Variants in CDH12 observed in about 807,000 individuals in gnomAD.
CDH12 encodes the protein cadherin-12.
A neutral mutation model predicts 74.1 loss-of-function variants in CDH12; 41 were observed. That is an observed-to-expected ratio of 0.55 (90% confidence interval 0.43 to 0.72). The LOEUF is 0.72. Among genes scored for constraint, CDH12 ranks in the 30% least tolerant of loss-of-function variants. The pLI, the probability that CDH12 is intolerant of heterozygous loss-of-function variation, is 0.00. For missense variants in CDH12, 945 were observed against 977.2 expected (o/e 0.97, Z 0.44); for synonymous variants, 399 against 355.0 (o/e 1.12, Z -1.39).
chr5:22,504,893 A>G (rs1048847721), intron 2 of CDH12, among the ~76,000 whole-genome samples: 1 of 152,028 alleles, frequency 6.6e-6, no homozygotes, highest in Non-Finnish European at 1.5e-5. Context: ...ATTATGAGGG[A>G]CTAGACAAAG....
chr5:22,630,108 T>C (rs181986039), intron 1 of CDH12, among the ~76,000 whole-genome samples: 181 of 152,136 alleles, frequency 1.2e-3, no homozygotes, highest in Admixed American at 1.7e-3. Flanking sequence ...AAATCAGAGA[T>C]AATACAAACA....
At chr5:22,432,720 C>T (rs925916183) in intron 2 of CDH12, among the ~76,000 whole-genome samples, 3 of 152,214 alleles carry the variant, frequency 2.0e-5, no homozygotes, top group Admixed American at 2.0e-4. Context: ...AAGTCTAAAG[C>T]TCACTTCATA....
At chr5:22,616,942 G>A (rs1290073746) in intron 1 of CDH12, among the ~76,000 whole-genome samples, 3 of 151,940 alleles carry the variant, frequency 2.0e-5, no homozygotes, top group Non-Finnish European at 4.4e-5. Flanking sequence ...ACAGCTCACT[G>A]TAACCTTGAA....
chr5:22,190,757 G>T (rs1750228641), intron 4 of CDH12, among the ~76,000 whole-genome samples: 2 of 152,138 alleles, frequency 1.3e-5, no homozygotes, highest in African/African-American at 4.8e-5. Flanking sequence ...TCTTGTCTCT[G>T]CAGAACCCTC....
intron 3 of CDH12, among the ~76,000 whole-genome samples, chr5:22,321,142 A>C: frequency 6.6e-6 from 1 of 152,154 alleles, no homozygotes; most frequent in East Asian, 1.9e-4. Context: ...TTTCAAAAAA[A>C]TAAATTTAAT....
chr5:22,018,855 T>C (rs1737779313), intron 5 of CDH12, among the ~76,000 whole-genome samples: 1 of 152,108 alleles, frequency 6.6e-6, no homozygotes, highest in Admixed American at 6.6e-5. Context: ...GTGGATCATT[T>C]GAGGTCAGGA....
At chr5:22,012,371 A>T (rs1737352695) in intron 5 of CDH12, among the ~76,000 whole-genome samples, 1 of 152,170 alleles carries the variant, frequency 6.6e-6, no homozygotes, top group African/African-American at 2.4e-5. Flanking sequence ...GTTATTTGTG[A>T]TATGAAAGAG....
At chr5:22,700,120 T>G (rs1329942101) in intron 1 of CDH12, among the ~76,000 whole-genome samples, 1 of 152,026 alleles carries the variant, frequency 6.6e-6, no homozygotes. Flanking sequence ...TGAGCCGAGA[T>G]TGTACCACTG....
chr5:22,418,579 G>A (rs949538008), intron 2 of CDH12, among the ~76,000 whole-genome samples: 1 of 152,100 alleles, frequency 6.6e-6, no homozygotes, highest in Non-Finnish European at 1.5e-5. Context: ...ATGGCTGTGG[G>A]TTTGTCATAA....
chr5:21,914,412 G>A (rs1323066981), intron 6 of CDH12, among the ~76,000 whole-genome samples: 2 of 151,978 alleles, frequency 1.3e-5, no homozygotes, highest in African/African-American at 4.8e-5. Flanking sequence ...TATCAAACAT[G>A]GTTTTTACAG....
chr5:22,102,478 G>A (rs1274102797), intron 4 of CDH12, among the ~76,000 whole-genome samples: 1 of 152,116 alleles, frequency 6.6e-6, no homozygotes, highest in Non-Finnish European at 1.5e-5. Context: ...AGACCAGCCT[G>A]ATCAACATGG....
intron 6 of CDH12, among the ~76,000 whole-genome samples, chr5:21,888,920 A>G (rs1200548424): frequency 1.3e-5 from 2 of 152,032 alleles, no homozygotes; most frequent in African/African-American, 4.8e-5. Context: ...CATTATAGAT[A>G]AGGGCATGCT....
At chr5:22,002,839 C>T (rs180855475) in intron 5 of CDH12, among the ~76,000 whole-genome samples, 91 of 152,090 alleles carry the variant, frequency 6.0e-4, no homozygotes, top group African/African-American at 2.1e-3. Flanking sequence ...TTCATAAGCT[C>T]AGATTTCCTG....
intron 2 of CDH12, among the ~76,000 whole-genome samples, chr5:22,489,111 G>A (rs1180211599): frequency 9.3e-6 from 1 of 107,838 alleles, no homozygotes; most frequent in Non-Finnish European, 1.8e-5. Context: ...AGGCTGGAGT[G>A]CAGTGGCACG....
chr5:21,820,360 A>G (rs1402150105), intron 8 of CDH12, among the ~76,000 whole-genome samples: 1 of 151,984 alleles, frequency 6.6e-6, no homozygotes, highest in Non-Finnish European at 1.5e-5. Context: ...GCATTGAAAA[A>G]TTGTGATAAA....
rs775532272 is a variant in CDH12 at position 21,854,738 on chromosome 5, T to C, written c.579A>G (p.Gly193=). ...KATDADDPTY[G]NSARVVYSIL... ...TGCTGTAAACGACTCTGGCACTGTT[T>C]CCATAGGTCGGGTCATCTGCATCTG... is the stretch of plus-strand genomic sequence containing the variant. The change falls in exon 7 of 15, where the codon GGA becomes GGG. Residue 193 remains glycine, a synonymous_variant. Coordinates refer to ENST00000382254, the MANE Select transcript of CDH12 (RefSeq NM_004061.5). The C allele has an allele frequency of 6.2e-7, 1 of 1,609,822 alleles. No individual in the cohort carries two copies. Among genetic ancestry groups the C allele is most frequent in the Non-Finnish European group, 8.5e-7 (1 of 1,177,162 alleles).
At chr5:22,553,763 A>T (rs1329856736) in intron 1 of CDH12, among the ~76,000 whole-genome samples, 1 of 152,076 alleles carries the variant, frequency 6.6e-6, no homozygotes, top group Non-Finnish European at 1.5e-5. Flanking sequence ...CACGGAAGAC[A>T]ATTTTTCCAC....
intron 6 of CDH12, among the ~76,000 whole-genome samples, chr5:21,941,818 T>C (rs1327050385): frequency 2.7e-5 from 4 of 149,314 alleles, no homozygotes; most frequent in South Asian, 2.1e-4. Context: ...CTTTTTTTTT[T>C]CCCAATCTAG....
At chr5:22,512,800 C>G (rs1458175609) in intron 1 of CDH12, among the ~76,000 whole-genome samples, 2 of 152,118 alleles carry the variant, frequency 1.3e-5, no homozygotes, top group African/African-American at 4.8e-5. Context: ...TGGTGGCTCA[C>G]ACCTGTATTC....
Sources: allele counts gnomAD v4.1 joint callset (sites outside exome capture counted in the v4.1 genomes callset), GRCh38; gene constraint gnomAD v4.1.1; transcripts MANE v1.5; gene names NCBI Gene and HGNC (gene_info 2026-07-23, HGNC 2026-07-21).